SRGAP3: variants seen among roughly 807,000 people sequenced by gnomAD.
The protein encoded by SRGAP3 is SLIT-ROBO Rho GTPase-activating protein 3.
In SRGAP3, 39 loss-of-function variants were observed where a neutral mutation model predicts 121.1. The ratio of observed to expected loss-of-function variants is 0.32; its 90% CI spans 0.25 to 0.42. SRGAP3 has a LOEUF of 0.42. Among genes scored for constraint, SRGAP3 ranks in the 10% least tolerant of loss-of-function variants. The probability of loss-of-function intolerance (pLI) is 1.00; values close to 1 mark genes in which losing one functional copy is unlikely to be tolerated. For missense variants in SRGAP3, 1,213 were observed against 1,470.6 expected (o/e 0.82, Z 2.86); for synonymous variants, 601 against 570.0 (o/e 1.05, Z -0.77).
At chr3:9,222,718 A>C (rs557762400) in intron 1 of SRGAP3, among the ~76,000 whole-genome samples, 1 of 152,166 alleles carries the variant, frequency 6.6e-6, no homozygotes, top group East Asian at 1.9e-4. Flanking sequence ...CACAAATATC[A>C]TGGTCGCACT....
At chr3:8,999,284 T>C (rs183550060) in intron 18 of SRGAP3, among the ~76,000 whole-genome samples, 374 of 152,330 alleles carry the variant, frequency 2.5e-3, no homozygotes, top group African/African-American at 8.3e-3. Flanking sequence ...GAGGCAGCAG[T>C]GGTTCAGAGA....
intron 1 of SRGAP3, among the ~76,000 whole-genome samples, chr3:9,338,477 T>C (rs983786285): frequency 2.6e-5 from 4 of 152,184 alleles, no homozygotes; most frequent in Non-Finnish European, 5.9e-5. Flanking sequence ...AAATTATAGA[T>C]GAATTTGGAA....
At chr3:9,223,699 T>A (rs1430392039) in intron 1 of SRGAP3, among the ~76,000 whole-genome samples, 1 of 152,072 alleles carries the variant, frequency 6.6e-6, no homozygotes, top group African/African-American at 2.4e-5. Flanking sequence ...ACTCATCAGG[T>A]GTTCCAAAGG....
intron 3 of SRGAP3, among the ~76,000 whole-genome samples, chr3:9,287,570 C>T (rs1490082737): frequency 6.6e-6 from 1 of 152,142 alleles, no homozygotes; most frequent in Non-Finnish European, 1.5e-5. Context: ...CACATGAACT[C>T]ACAGAGTGAA....
intron 12 of SRGAP3, among the ~76,000 whole-genome samples, chr3:9,029,136 C>A (rs1325671173): frequency 1.3e-5 from 2 of 152,158 alleles, no homozygotes; most frequent in Non-Finnish European, 2.9e-5. Flanking sequence ...AGCAAACAGC[C>A]TGGTCGAACA....
chr3:9,161,559 G>T (rs1252130896), intron 1 of SRGAP3, among the ~76,000 whole-genome samples: 1 of 152,212 alleles, frequency 6.6e-6, no homozygotes, highest in Non-Finnish European at 1.5e-5. Context: ...CATTGGACTG[G>T]CTCCCTTGGG....
upstream of SRGAP3, among the ~76,000 whole-genome samples, chr3:9,253,937 C>A (rs989113162): frequency 1.3e-5 from 2 of 152,074 alleles, no homozygotes; most frequent in African/African-American, 4.8e-5. Context: ...GTTTTATAAC[C>A]TCAAGTTATA....
intron 3 of SRGAP3, chr3:9,256,650 CCA>C: frequency 2.5e-6 from 1 of 394,768 alleles, no homozygotes; most frequent in Admixed American, 4.4e-5. Context: ...ACATTTCCAG[CCA>C]TCCACTCCCC....
At chr3:9,124,617 C>T in intron 2 of SRGAP3, 108 bp downstream of exon 2, 1 of 1,424,038 alleles carries the variant, frequency 7.0e-7, no homozygotes, top group Non-Finnish European at 9.8e-7. Flanking sequence ...TGAAGGCACA[C>T]CCTCTGCCTC....
intron 1 of SRGAP3, among the ~76,000 whole-genome samples, chr3:9,227,274 G>A (rs184989543): frequency 2.6e-5 from 4 of 152,270 alleles, no homozygotes; most frequent in East Asian, 1.9e-4. Flanking sequence ...AACAAAACAT[G>A]CTAGTGGGTC....
At chr3:9,286,587 TTTTG>T (rs1421603801) in intron 3 of SRGAP3, among the ~76,000 whole-genome samples, 1 of 152,164 alleles carries the variant, frequency 6.6e-6, no homozygotes, top group Non-Finnish European at 1.5e-5. Flanking sequence ...ACTTTATTTA[TTTTG>T]TTTTTGTCGT....
intron 3 of SRGAP3, among the ~76,000 whole-genome samples, chr3:9,288,577 T>TGA (rs1255714831): frequency 6.9e-6 from 1 of 145,616 alleles, no homozygotes; most frequent in Non-Finnish European, 1.5e-5. Context: ...AAATTCACTT[T>TGA]GTCTTTTTTT....
At chr3:9,232,463 C>T (rs1297530129) in intron 1 of SRGAP3, among the ~76,000 whole-genome samples, 7 of 152,156 alleles carry the variant, frequency 4.6e-5, no homozygotes, top group Non-Finnish European at 7.3e-5. Context: ...AAACCAAAGA[C>T]TCTTTTTATA....
At chr3:9,101,496 A>C (rs1255087777) in intron 3 of SRGAP3, among the ~76,000 whole-genome samples, 1 of 152,236 alleles carries the variant, frequency 6.6e-6, no homozygotes, top group Non-Finnish European at 1.5e-5. Context: ...ATTCTGGGAA[A>C]AGGGACTTGA....
At chr3:9,356,261 G>C (rs2030501162) in intron 1 of SRGAP3, among the ~76,000 whole-genome samples, 1 of 137,448 alleles carries the variant, frequency 7.3e-6, no homozygotes, top group African/African-American at 2.8e-5. Context: ...GCACGATCTT[G>C]GCTCACTGCA....
At position 9,265,749 on chromosome 3, in the gene SRGAP3, TAAG is replaced by T. The variant is rs543524367; in HGVS notation, n.442+60258_442+60260del. Among the ~76,000 whole-genome samples the T allele has an allele frequency of 9.9e-3, 1,513 of 152,180 alleles. 17 individuals are homozygous for T. The highest frequency in any genetic ancestry group is 0.024 in the African/African-American group (985 of 41,518). ...AGATGCTGGAGAGGATGTGGAGAAA[TAAG>T]AACACTTTTACACTGTTGGTGGGAG... On this transcript the variant is annotated intron_variant and non_coding_transcript_variant, in intron 3 of 3. Transcript: ENST00000490889.
rs946902668 is a variant in SRGAP3, at chr3:8,982,380, T to G, written c.*3139A>C. The G allele has an allele frequency of 1.3e-5, 3 of 225,192 alleles. No individual in the cohort carries two copies. Among genetic ancestry groups the G allele is most frequent in the African/African-American group, 6.7e-5 (3 of 44,880 alleles). The allele number at this position is 225,192 out of a possible 1,614,324, so 13.9% of individuals were successfully genotyped here. A position where few individuals can be genotyped will look rare whatever the true frequency, so the allele number is the denominator to read the frequency against. On this transcript the variant is annotated 3_prime_UTR_variant, in exon 22 of 22. Transcript: ENST00000383836. Reference sequence around the variant, plus strand: ...TAAACACCACTTCCCCTTGTACAATTGGTTATATTGAAGACTACTAACTAG... The same window carrying G: ...TAAACACCACTTCCCCTTGTACAATGGGTTATATTGAAGACTACTAACTAG...
intron 3 of SRGAP3, among the ~76,000 whole-genome samples, chr3:9,310,957 G>C (rs1955230496): frequency 6.6e-6 from 1 of 152,056 alleles, no homozygotes; most frequent in Admixed American, 6.6e-5. Context: ...ATCACTTGAA[G>C]TCAGGAGTTT....
In SRGAP3 at chr3:9,269,637, G is replaced by C. The variant is rs76795455; in HGVS notation, n.442+56373C>G. Among the ~76,000 whole-genome samples the C allele has an allele frequency of 9.3e-4, 141 of 152,350 alleles. 1 individual carries two copies. The East Asian group carries it at 0.022, about 24-fold the overall frequency. ...GAAACATTTCCAGCATCCTCATGCT[G>C]TGTGGGGATGAGAGGGAGTAAGGAG... is the stretch of plus-strand genomic sequence containing the variant. On this transcript the variant is annotated intron_variant and non_coding_transcript_variant, in intron 3 of 3. Coordinates refer to the SRGAP3 transcript ENST00000490889.
Sources: allele counts gnomAD v4.1 joint callset (sites outside exome capture counted in the v4.1 genomes callset), GRCh38; gene constraint gnomAD v4.1.1; transcripts MANE v1.5; gene names NCBI Gene and HGNC (gene_info 2026-07-23, HGNC 2026-07-21).